Variants in NKAIN3 observed in about 807,000 individuals in gnomAD.
NKAIN3 encodes the protein sodium/potassium transporting ATPase interacting 3.
Under a neutral mutation model 30.2 loss-of-function variants are expected in NKAIN3, and 25 were observed. The ratio of observed to expected loss-of-function variants is 0.83; its 90% CI spans 0.60 to 1.16. The LOEUF (loss-of-function observed/expected upper bound fraction) is 1.16. Ranked by LOEUF, NKAIN3 falls within the 50% of genes most tolerant of loss-of-function variation. The pLI is 0.00. For synonymous variants in NKAIN3, 91 were observed against 89.6 expected, an observed-to-expected ratio of 1.02 and a Z score of -0.09; for missense variants, 225 against 254.1, an observed-to-expected ratio of 0.89 and a Z score of 0.78.
At chr8:62,692,771 AC>A (rs1814022738) in intron 3 of NKAIN3, among the ~76,000 whole-genome samples, 1 of 152,128 alleles carries the variant, frequency 6.6e-6, no homozygotes, top group Admixed American at 6.5e-5. Context: ...GTTCAAAAAT[AC>A]CTCCTCAACA....
At chr8:62,605,675 T>G (rs2130165319) in intron 3 of NKAIN3, among the ~76,000 whole-genome samples, 1 of 152,184 alleles carries the variant, frequency 6.6e-6, no homozygotes, top group South Asian at 2.1e-4. Flanking sequence ...ATTTACATAG[T>G]ATTTACACTA....
chr8:62,765,679 T>G (rs1299903120), intron 4 of NKAIN3, among the ~76,000 whole-genome samples: 1 of 152,190 alleles, frequency 6.6e-6, no homozygotes, highest in Non-Finnish European at 1.5e-5. Flanking sequence ...TTGCAGATGA[T>G]TCTATTAGAT....
intron 1 of NKAIN3, among the ~76,000 whole-genome samples, chr8:62,277,842 T>C (rs1813017253): frequency 6.6e-6 from 1 of 152,186 alleles, no homozygotes; most frequent in Non-Finnish European, 1.5e-5. Context: ...GCTATATCAC[T>C]GGATAAAATA....
At chr8:62,778,466 G>A (rs1817255338) in intron 4 of NKAIN3, among the ~76,000 whole-genome samples, 1 of 151,944 alleles carries the variant, frequency 6.6e-6, no homozygotes, top group African/African-American at 2.4e-5. Flanking sequence ...AGAGGAGTGT[G>A]GAACTCTTCC....
chr8:62,506,707 T>A (rs34992756), intron 1 of NKAIN3, among the ~76,000 whole-genome samples: 10,933 of 151,988 alleles, frequency 0.072, 487 homozygotes, highest in African/African-American at 0.13. Context: ...ACTCCTGACC[T>A]CATGATCTGC....
chr8:62,330,541 T>G (rs1815309443), intron 1 of NKAIN3, among the ~76,000 whole-genome samples: 1 of 151,984 alleles, frequency 6.6e-6, no homozygotes. Flanking sequence ...CCTGGACACT[T>G]AACCCATACC....
intron 1 of NKAIN3, among the ~76,000 whole-genome samples, chr8:62,412,459 G>T (rs940458129): frequency 2.0e-5 from 3 of 152,072 alleles, no homozygotes; most frequent in Admixed American, 2.0e-4. Context: ...ATATTTAAAT[G>T]TAAGACCTCA....
intron 2 of NKAIN3, among the ~76,000 whole-genome samples, chr8:62,589,034 A>T (rs1810569744): frequency 6.6e-6 from 1 of 151,892 alleles, no homozygotes; most frequent in African/African-American, 2.4e-5. Flanking sequence ...ATTTCCTAAT[A>T]CATAATATCT....
At chr8:62,428,075 G>T (rs1019802752) in intron 1 of NKAIN3, among the ~76,000 whole-genome samples, 2 of 151,602 alleles carry the variant, frequency 1.3e-5, no homozygotes, top group Admixed American at 6.6e-5. Context: ...GCTTCTACGT[G>T]TGCATGAGAA....
chr8:62,370,866 C>T lies in NKAIN3; in HGVS notation c.54+121739C>T, dbSNP rs73259233. Among the ~76,000 whole-genome samples the T allele has an allele frequency of 2.0e-3, 308 of 152,024 alleles. 2 individuals carry two copies. Among genetic ancestry groups the T allele is most frequent in the African/African-American group, 7.1e-3 (294 of 41,538 alleles). ...TTCTACAAAGTCCAGCTACCTTAGACGTGGAATTGCTTCTTTTGAAATTTA... is the reference window on the plus strand; with the variant it reads ...TTCTACAAAGTCCAGCTACCTTAGATGTGGAATTGCTTCTTTTGAAATTTA... On this transcript the variant is annotated intron_variant, in intron 1 of 6. Coordinates refer to ENST00000623646, the MANE Select transcript of NKAIN3 (RefSeq NM_001304533.3).
chr8:62,705,741 T>G (rs895183855), intron 3 of NKAIN3, among the ~76,000 whole-genome samples: 1 of 152,190 alleles, frequency 6.6e-6, no homozygotes, highest in Non-Finnish European at 1.5e-5. Flanking sequence ...CTTATGTTTC[T>G]GATATTGAAT....
chr8:62,829,852 A>G (rs957440606), intron 4 of NKAIN3, among the ~76,000 whole-genome samples: 4 of 152,168 alleles, frequency 2.6e-5, no homozygotes, highest in African/African-American at 9.6e-5. Context: ...CATTAGCAAT[A>G]TTAATGGCTA....
At chr8:62,289,351 T>A (rs1308545279) in intron 1 of NKAIN3, among the ~76,000 whole-genome samples, 1 of 152,228 alleles carries the variant, frequency 6.6e-6, no homozygotes, top group African/African-American at 2.4e-5. Context: ...GCCTAGGTTT[T>A]CTTCTAGGGT....
intron 3 of NKAIN3, among the ~76,000 whole-genome samples, chr8:62,657,208 C>T (rs1812787147): frequency 6.6e-6 from 1 of 152,138 alleles, no homozygotes; most frequent in Admixed American, 6.6e-5. Flanking sequence ...TTATCAACTG[C>T]CCAAAATACG....
chr8:62,973,067 A>G lies in NKAIN3; in HGVS notation c.*7660A>G, dbSNP rs1308618784. 6.6e-6 allele frequency among the ~76,000 whole-genome samples: 1 copy of G among 152,172 alleles called. No individual in the cohort carries two copies. Among genetic ancestry groups the G allele is most frequent in the Non-Finnish European group, 1.5e-5 (1 of 68,034 alleles). On this transcript the variant is annotated 3_prime_UTR_variant, in exon 7 of 7. Transcript: ENST00000623646. ...GTGCCACATTTTCTTTATCCGTTCT[A>G]ACATTGATGGGCATTTGGGTTGGTT...
intron 1 of NKAIN3, among the ~76,000 whole-genome samples, chr8:62,502,567 G>C (rs374898525): frequency 7.7e-6 from 1 of 130,672 alleles, no homozygotes; most frequent in African/African-American, 2.8e-5. Context: ...CTTCTTCTCA[G>C]TATCTACTTC....
chr8:62,916,452 G>A (rs1394646009), intron 4 of NKAIN3, among the ~76,000 whole-genome samples: 1 of 152,118 alleles, frequency 6.6e-6, no homozygotes, highest in African/African-American at 2.4e-5. Context: ...TTTCTTTCTT[G>A]TGTATGTAAC....
intron 4 of NKAIN3, among the ~76,000 whole-genome samples, chr8:62,849,744 G>A (rs1307077495): frequency 6.6e-6 from 1 of 151,546 alleles, no homozygotes; most frequent in African/African-American, 2.4e-5. Context: ...TGAGAGTGAT[G>A]GTTTCCAGCT....
rs1823882728 is a variant in NKAIN3, at chr8:62,973,682, G to A, written c.*8275G>A. 6.6e-6 allele frequency among the ~76,000 whole-genome samples: 1 copy of A among 151,048 alleles called. No homozygotes were observed. The highest frequency in any genetic ancestry group is 1.5e-5 in the Non-Finnish European group (1 of 68,018). ...TCCTTAGTTTAATTAGATCCCATTT[G>A]TCAATTTTGGCTTTTGTTGACATTG... is the stretch of plus-strand genomic sequence containing the variant. On this transcript the variant is annotated 3_prime_UTR_variant, in exon 7 of 7. Coordinates refer to ENST00000623646, the MANE Select transcript of NKAIN3 (RefSeq NM_001304533.3).
Sources: allele counts gnomAD v4.1 joint callset (sites outside exome capture counted in the v4.1 genomes callset), GRCh38; gene constraint gnomAD v4.1.1; transcripts MANE v1.5; gene names NCBI Gene and HGNC (gene_info 2026-07-23, HGNC 2026-07-21).